Variants in NODAL observed in about 807,000 individuals in gnomAD.
NODAL encodes the protein nodal homolog.
A neutral mutation model predicts 34.0 loss-of-function variants in NODAL; 12 were observed. The observed-to-expected ratio is 0.35, with a 90% CI of 0.23 to 0.57. The LOEUF (loss-of-function observed/expected upper bound fraction) is 0.57. Among genes scored for constraint, NODAL ranks in the 20% least tolerant of loss-of-function variants. NODAL has a pLI of 0.83. For missense variants in NODAL, 390 were observed against 444.2 expected, an observed-to-expected ratio of 0.88 and a Z score of 1.10; for synonymous variants, 162 against 186.4, an observed-to-expected ratio of 0.87 and a Z score of 1.07.
At chr10:70,447,568 T>C (rs753018853) in intron 1 of NODAL, among the ~76,000 whole-genome samples, 10 of 151,850 alleles carry the variant, frequency 6.6e-5, no homozygotes, top group South Asian at 2.1e-4. Context: ...TCCCAGCTAC[T>C]TGGGAGGCTG....
upstream of NODAL, among the ~76,000 whole-genome samples, chr10:70,442,841 A>G (rs1845447592): frequency 6.6e-6 from 1 of 152,090 alleles, no homozygotes; most frequent in South Asian, 2.1e-4. Flanking sequence ...TTCAGCACTT[A>G]GGGAGGATGA....
intron 1 of NODAL, among the ~76,000 whole-genome samples, chr10:70,437,171 G>C (rs1197130745): frequency 2.0e-5 from 3 of 152,220 alleles, no homozygotes; most frequent in Admixed American, 2.0e-4. Flanking sequence ...TGCCGGGCGC[G>C]GTGGCTCACG....
upstream of NODAL, chr10:70,441,776 A>G (rs74139636): frequency 0.082 from 96,763 of 1,184,802 alleles, 6,091 homozygotes; most frequent in East Asian, 0.26. Flanking sequence ...AAGATCATAT[A>G]ACCCCCCTCC....
chr10:70,440,083 A>G (rs1441073687), intron 1 of NODAL, among the ~76,000 whole-genome samples: 1 of 152,018 alleles, frequency 6.6e-6, no homozygotes, highest in Non-Finnish European at 1.5e-5. Flanking sequence ...AAGAAAAAAC[A>G]AACAAACAAA....
Position 70,436,213 on chromosome 10 carries a change from G to A in NODAL, c.194-230C>T. On this transcript the variant is annotated intron_variant, in intron 1 of 2. Coordinates refer to ENST00000287139, the MANE Select transcript of NODAL (RefSeq NM_018055.5). ...TCTGACCAAGGTGTCATTCTTGGAA[G>A]GTGGCAGAGCCAAGAGTAAACCTGG... is the stretch of plus-strand genomic sequence containing the variant. 1.0e-5 allele frequency: 6 copies of A among 573,166 alleles called. 1 individual carries two copies. Among genetic ancestry groups the A allele is most frequent in the South Asian group, 9.9e-5 (5 of 50,604 alleles). 35.5% of individuals were successfully genotyped at this position (573,166 alleles called of 1,614,324 possible).
chr10:70,440,078 AAAAC>A (rs564621510), intron 1 of NODAL, among the ~76,000 whole-genome samples: 64 of 152,336 alleles, frequency 4.2e-4, no homozygotes, highest in African/African-American at 1.3e-3. Flanking sequence ...TTTCAAAGAA[AAAAC>A]AAACAAACAA....
chr10:70,433,027 G>C lies in NODAL; in HGVS notation c.953C>G (p.Thr318Ser). The change falls in exon 3 of 3, where the codon ACC becomes AGC. Residue 318 changes from threonine to serine, a missense_variant. Coordinates refer to ENST00000287139, the MANE Select transcript of NODAL (RefSeq NM_018055.5). ...VPSTCCAPVK[T>S]KPLSMLYVDN... Reference sequence around the variant, plus strand: ...CACATACAGCATGCTCAGCGGCTTGGTCTTCACTGGGGCACAACAAGTGGA... The same window carrying C: ...CACATACAGCATGCTCAGCGGCTTGCTCTTCACTGGGGCACAACAAGTGGA... 1 of 1,613,950 alleles carries C rather than the reference G, an allele frequency of 6.2e-7. No individual in the cohort carries two copies.
chr10:70,436,045 G>A, intron 1 of NODAL, 62 bp from the exon 2 acceptor site: 1 of 1,380,842 alleles, frequency 7.2e-7, no homozygotes, highest in Admixed American at 1.7e-5. Flanking sequence ...GCCTCAGTCA[G>A]TGTCACAACC....
chr10:70,440,223 C>A (rs1845410416), intron 1 of NODAL, among the ~76,000 whole-genome samples: 1 of 152,204 alleles, frequency 6.6e-6, no homozygotes, highest in East Asian at 1.9e-4. Context: ...TTTCCAGATG[C>A]CTGTCCATCA....
chr10:70,437,370 G>C (rs912547476), intron 1 of NODAL, among the ~76,000 whole-genome samples: 1 of 152,222 alleles, frequency 6.6e-6, no homozygotes, highest in African/African-American at 2.4e-5. Context: ...GAACCCAGGA[G>C]GTGGAGGTTG....
chr10:70,447,433 C>T (rs1472228105), intron 1 of NODAL, among the ~76,000 whole-genome samples: 1 of 152,036 alleles, frequency 6.6e-6, no homozygotes, highest in Non-Finnish European at 1.5e-5. Flanking sequence ...TGCCTGCAAT[C>T]CCAGTGCTTT....
rs535722450 is a variant in NODAL, at chr10:70,438,296, G to A, written c.194-2313C>T. Reference sequence around the variant, plus strand: ...GTGACGAAAAGCAAAACTCTGTCTCGAAAAAAGAAAAACTTTATCTCAACT... The same window carrying A: ...GTGACGAAAAGCAAAACTCTGTCTCAAAAAAAGAAAAACTTTATCTCAACT... On this transcript the variant is annotated intron_variant, in intron 1 of 2. Coordinates refer to ENST00000287139, the MANE Select transcript of NODAL (RefSeq NM_018055.5). Among the ~76,000 whole-genome samples, 69 of 152,108 alleles carry A rather than the reference G, an allele frequency of 4.5e-4. 1 individual carries two copies. Among genetic ancestry groups the A allele is most frequent in the Admixed American group, 4.3e-3 (65 of 15,280 alleles).
At position 70,435,856 on chromosome 10, in the gene NODAL, G is replaced by A; in HGVS notation, c.321C>T (p.Gly107=). 1 of 1,614,148 alleles carries A rather than the reference G, an allele frequency of 6.2e-7. No homozygotes were observed. Among genetic ancestry groups the A allele is most frequent in the East Asian group, 2.2e-5 (1 of 44,888 alleles). ...GGTGGAAAATCTCAATGGCAAGTGAGCCCTCAGTGGGGAGGTCCACAGGGC... is the reference window on the plus strand; with the variant it reads ...GGTGGAAAATCTCAATGGCAAGTGAACCCTCAGTGGGGAGGTCCACAGGGC... ...LSSPVDLPTE[G]SLAIEIFHQP... The change falls in exon 2 of 3, where the codon GGC becomes GGT. Residue 107 remains glycine, a synonymous_variant. Coordinates refer to ENST00000287139, the MANE Select transcript of NODAL (RefSeq NM_018055.5).
intron 1 of NODAL, 65 bp downstream of exon 1, chr10:70,441,410 C>T: frequency 3.3e-6 from 5 of 1,518,632 alleles, no homozygotes; most frequent in Non-Finnish European, 4.4e-6. Context: ...CCCGAGTCCG[C>T]TGGCTGGACG....
At position 70,435,671 on chromosome 10, in the gene NODAL, A is replaced by G. The variant is rs1465757447; in HGVS notation, c.506T>C (p.Leu169Pro). Residue 169 changes from leucine (L) to proline (P), a missense_variant, in exon 2 of 3, where the codon CTG becomes CCG. Coordinates refer to ENST00000287139, the MANE Select transcript of NODAL (RefSeq NM_018055.5). ...LSKWLKHPGA[L>P]EKQMSRVAGE... ...AGCTACCCTGGACATCTGCTTCTCC[A>G]GGGCCCCAGGGTGCTTCAGCCACTT... The G allele has an allele frequency of 1.9e-6, 3 of 1,614,114 alleles. No homozygotes were observed. In the African/African-American group the frequency reaches 4.0e-5, roughly 22 times the overall value.
intron 1 of NODAL, among the ~76,000 whole-genome samples, chr10:70,447,340 C>G (rs1270623831): frequency 1.3e-5 from 2 of 151,950 alleles, no homozygotes; most frequent in Non-Finnish European, 2.9e-5. Context: ...TCCCAGAGTG[C>G]TGGGATTACA....
chr10:70,440,551 C>T (rs553530370), intron 1 of NODAL, among the ~76,000 whole-genome samples: 12 of 152,082 alleles, frequency 7.9e-5, no homozygotes, highest in Non-Finnish European at 1.3e-4. Flanking sequence ...GCCGTCTGGC[C>T]CCCGCAGGCG....
upstream of NODAL, among the ~76,000 whole-genome samples, chr10:70,443,933 C>CCTTTTTTTTTTTTTTTTTTTTTT (rs1554850806): frequency 7.0e-6 from 1 of 143,854 alleles, no homozygotes. Flanking sequence ...GTTGACTCCC[C>CCTTTTTTTTTTTTTTTTTTTTTT]TTTTTTTTTT....
At chr10:70,441,341 G>C (rs1401244175) in intron 1 of NODAL, 134 bp downstream of exon 1, 2 of 954,372 alleles carry the variant, frequency 2.1e-6, no homozygotes. Context: ...CCCTGGGCTC[G>C]GGACGCCCGG....
Sources: gnomAD v4.1 joint callset for allele counts (sites outside exome capture counted in the v4.1 genomes callset) on GRCh38, gnomAD v4.1.1 for gene constraint, MANE v1.5 for transcripts, NCBI Gene and HGNC (gene_info 2026-07-23, HGNC 2026-07-21) for gene names.